Variants in SLC14A2 observed in about 807,000 individuals in gnomAD.
SLC14A2 encodes the protein urea transporter 2.
Under a neutral mutation model 104.6 loss-of-function variants are expected in SLC14A2, and 91 were observed. The observed-to-expected ratio is 0.87, with a 90% CI of 0.73 to 1.04. The LOEUF (loss-of-function observed/expected upper bound fraction) is 1.04. Ranked by LOEUF, SLC14A2 falls within the 50% of genes least tolerant of loss-of-function variation. SLC14A2 has a pLI of 0.00. For synonymous variants in SLC14A2, 476 were observed against 466.4 expected, an observed-to-expected ratio of 1.02 and a Z score of -0.27; for missense variants, 1,189 against 1,156.0, an observed-to-expected ratio of 1.03 and a Z score of -0.41.
intron 1 of SLC14A2, among the ~76,000 whole-genome samples, chr18:45,236,902 T>A (rs2084260483): frequency 1.3e-5 from 2 of 152,140 alleles, no homozygotes; most frequent in South Asian, 4.2e-4. Context: ...TGTCTGTTGG[T>A]GGGAAATCAC....
intron 10 of SLC14A2, among the ~76,000 whole-genome samples, chr18:45,659,966 A>AG (rs2045909646): frequency 6.6e-6 from 1 of 151,042 alleles, no homozygotes; most frequent in Admixed American, 6.6e-5. Flanking sequence ...CTCTACAAAA[A>AG]AAAAAAAAAA....
rs540017230 is a variant in SLC14A2, at chr18:45,532,590, A to AT, written c.-35+49272dup. 6.2e-4 allele frequency among the ~76,000 whole-genome samples: 94 copies of AT among 150,898 alleles called. 1 individual carries two copies. The highest frequency in any genetic ancestry group is 1.2e-3 in the Non-Finnish European group (83 of 67,944). ...TGAAGTTGCTTATCAGCTTAAGGAG[A>AT]TTTTGGGCTGAGACAGTGGGGTTTT... is the stretch of plus-strand genomic sequence containing the variant. On this transcript the variant is annotated intron_variant, in intron 2 of 20. Coordinates refer to the SLC14A2 transcript ENST00000586448.
intron 2 of SLC14A2, among the ~76,000 whole-genome samples, chr18:45,584,891 G>A (rs141182006): frequency 5.3e-4 from 81 of 152,296 alleles, no homozygotes; most frequent in South Asian, 2.3e-3. Context: ...GAGATGAAAC[G>A]CAGCAGATCT....
chr18:45,446,527 T>C (rs1464606083), intron 1 of SLC14A2, among the ~76,000 whole-genome samples: 1 of 152,254 alleles, frequency 6.6e-6, no homozygotes, highest in Middle Eastern at 3.2e-3. Context: ...AGAAACTGTC[T>C]TTTGTTTAAG....
rs542069552 is a variant in SLC14A2 at position 45,217,271 on chromosome 18, T to G, written c.-125+4080T>G. Among the ~76,000 whole-genome samples, 175 of 148,588 alleles carry G rather than the reference T, an allele frequency of 1.2e-3. 1 individual carries two copies. The highest frequency in any genetic ancestry group is 4.1e-3 in the African/African-American group (166 of 40,898). ...ATCTATTATATATAATATACATATATTACATAGATATGTATTACATGTATA... is the reference window on the plus strand; with the variant it reads ...ATCTATTATATATAATATACATATAGTACATAGATATGTATTACATGTATA... On this transcript the variant is annotated intron_variant, in intron 1 of 20. Coordinates refer to the SLC14A2 transcript ENST00000586448.
chr18:45,521,036 T>A lies in SLC14A2; in HGVS notation c.-35+37714T>A, dbSNP rs151259799. 3.0e-4 allele frequency among the ~76,000 whole-genome samples: 46 copies of A among 152,298 alleles called. No individual in the cohort carries two copies. In the East Asian group the frequency reaches 6.0e-3, roughly 20 times the overall value. On this transcript the variant is annotated intron_variant, in intron 2 of 20. Coordinates refer to the SLC14A2 transcript ENST00000586448. ...TAACAGCTGGCCCAGGCAAGAGTAG[T>A]GTCTATGACCATCCAACAGGCCCAC...
intron 2 of SLC14A2, among the ~76,000 whole-genome samples, chr18:45,510,113 C>G (rs934053055): frequency 6.6e-6 from 1 of 152,192 alleles, no homozygotes; most frequent in Non-Finnish European, 1.5e-5. Context: ...GACACTTAAC[C>G]TCTTTGAGCC....
intron 2 of SLC14A2, among the ~76,000 whole-genome samples, chr18:45,516,058 A>T (rs1027766807): frequency 6.6e-6 from 1 of 152,246 alleles, no homozygotes; most frequent in African/African-American, 2.4e-5. Flanking sequence ...GAAATTCTCC[A>T]TACAAAACTT....
chr18:45,635,476 A>G (rs867783216), intron 5 of SLC14A2, among the ~76,000 whole-genome samples: 27 of 152,346 alleles, frequency 1.8e-4, no homozygotes, highest in South Asian at 4.1e-4. Context: ...GTATTTCAAG[A>G]TGGTGGGCAG....
At chr18:45,425,270 T>A (rs915997746) in intron 1 of SLC14A2, among the ~76,000 whole-genome samples, 3 of 152,242 alleles carry the variant, frequency 2.0e-5, no homozygotes, top group African/African-American at 7.2e-5. Context: ...CTAGAATTAA[T>A]GTAAGAGATA....
At chr18:45,579,641 C>T (rs2044461193) in intron 2 of SLC14A2, among the ~76,000 whole-genome samples, 1 of 152,230 alleles carries the variant, frequency 6.6e-6, no homozygotes, top group African/African-American at 2.4e-5. Context: ...ATCAAGAGTT[C>T]ACTCATTCGT....
intron 1 of SLC14A2, among the ~76,000 whole-genome samples, chr18:45,227,538 C>T (rs968863483): frequency 3.9e-5 from 6 of 152,224 alleles, no homozygotes; most frequent in Admixed American, 3.9e-4. Context: ...AAAGCAGCCT[C>T]TTTTATTTGG....
chr18:45,359,546 G>C (rs1372277722), intron 1 of SLC14A2, among the ~76,000 whole-genome samples: 1 of 152,212 alleles, frequency 6.6e-6, no homozygotes, highest in Non-Finnish European at 1.5e-5. Flanking sequence ...CTTATCTCCA[G>C]GTGTTCGCCT....
At position 45,644,107 on chromosome 18, in the gene SLC14A2, A is replaced by G. The variant is rs964099428; in HGVS notation, c.1298A>G (p.Asn433Ser). 1.2e-6 allele frequency: 2 copies of G among 1,614,210 alleles called. No individual in the cohort carries two copies. Among genetic ancestry groups the G allele is most frequent in the Non-Finnish European group, 1.7e-6 (2 of 1,180,030 alleles). ...PLSKVTYPEA[N>S]RIYYLTVKSG... The stretch of plus-strand genomic sequence containing the variant: ...AGCAAAGTCACCTACCCCGAGGCCA[A>G]CCGCATCTACTACCTGACAGTGAAA... The change falls in exon 10 of 20, where the codon AAC becomes AGC. Residue 433 changes from asparagine (N) to serine (S), a missense_variant. Asn to Ser is a conservative substitution (Grantham distance 46). Coordinates refer to ENST00000255226, the MANE Select transcript of SLC14A2 (RefSeq NM_007163.4).
intron 1 of SLC14A2, among the ~76,000 whole-genome samples, chr18:45,477,441 C>T (rs746921035): frequency 6.6e-6 from 1 of 152,220 alleles, no homozygotes; most frequent in Non-Finnish European, 1.5e-5. Flanking sequence ...AGGCATCTCC[C>T]AGTAAGAAGG....
intron 1 of SLC14A2, among the ~76,000 whole-genome samples, chr18:45,317,974 C>T (rs1379307419): frequency 6.6e-6 from 1 of 152,044 alleles, no homozygotes; most frequent in Non-Finnish European, 1.5e-5. Flanking sequence ...TGGAGCCCCA[C>T]CTTTCCTTTG....
intron 1 of SLC14A2, among the ~76,000 whole-genome samples, chr18:45,446,329 A>C (rs2086768875): frequency 6.6e-6 from 1 of 152,178 alleles, no homozygotes; most frequent in South Asian, 2.1e-4. Context: ...AGATGTGGTC[A>C]TTAGGGTGGA....
Position 45,560,765 on chromosome 18 carries a change from ATACCCTCACCT to A in SLC14A2, c.-34-63865_-34-63855del, listed in dbSNP as rs1485062235. ...CCAACAGCTCATTGTTGGAGCCCCC[ATACCCTCACCT>A]CTTTCATGTCCTGGGGTTGACTTCC... On this transcript the variant is annotated intron_variant, in intron 2 of 20. Transcript: ENST00000586448. Among the ~76,000 whole-genome samples, 8 of 152,090 alleles carry A rather than the reference ATACCCTCACCT, an allele frequency of 5.3e-5. No homozygotes were observed. In the South Asian group the frequency reaches 1.5e-3, roughly 28 times the overall value.
At chr18:45,480,891 G>T (rs1003044780) in intron 1 of SLC14A2, among the ~76,000 whole-genome samples, 11 of 151,976 alleles carry the variant, frequency 7.2e-5, no homozygotes, top group African/African-American at 2.2e-4. Flanking sequence ...GAATGCTTCT[G>T]GTTATAACCA....
Sources: allele counts gnomAD v4.1 joint callset (sites outside exome capture counted in the v4.1 genomes callset), GRCh38; gene constraint gnomAD v4.1.1; transcripts MANE v1.5; gene names NCBI Gene and HGNC (gene_info 2026-07-23, HGNC 2026-07-21).